The following PRKG1 variants were observed in gnomAD, a reference collection of about 807,000 sequenced individuals.
PRKG1 encodes protein kinase cGMP-dependent 1, also known as cGMP-dependent protein kinase 1.
In PRKG1, 35 loss-of-function variants were observed where a neutral mutation model predicts 88.1. The observed-to-expected ratio is 0.40, with a 90% CI of 0.30 to 0.53. PRKG1 has a LOEUF of 0.53. PRKG1 is among the 20% of genes least tolerant of loss of function. The pLI is 0.59. For missense variants in PRKG1, 540 were observed against 839.8 expected (o/e 0.64, Z 4.41); for synonymous variants, 303 against 292.5 (o/e 1.04, Z -0.37).
intron 2 of PRKG1, among the ~76,000 whole-genome samples, chr10:51,428,139 C>T (rs1371687399): frequency 6.6e-6 from 1 of 152,192 alleles, no homozygotes; most frequent in Non-Finnish European, 1.5e-5. Flanking sequence ...ACTGCTAGAA[C>T]TTCTATCGCA....
chr10:51,850,227 A>G (rs1166904721), intron 4 of PRKG1, among the ~76,000 whole-genome samples: 1 of 152,214 alleles, frequency 6.6e-6, no homozygotes, highest in Non-Finnish European at 1.5e-5. Context: ...CCCAGGTGGG[A>G]GTGCAATAGC....
chr10:51,480,089 G>T (rs74132505), intron 3 of PRKG1, among the ~76,000 whole-genome samples: 2,088 of 152,188 alleles, frequency 0.014, 42 homozygotes, highest in Admixed American at 0.042. Context: ...GTAGGCACTA[G>T]ATTTCTCTTC....
At chr10:51,448,588 A>G (rs909630088) in intron 2 of PRKG1, among the ~76,000 whole-genome samples, 1 of 152,080 alleles carries the variant, frequency 6.6e-6, no homozygotes, top group East Asian at 1.9e-4. Context: ...TATTTTTTCA[A>G]TAGCAAACAA....
Position 50,991,328 on chromosome 10 carries a change from C to CGCCGCCGCT in PRKG1, c.-43_-42insTGCCGCCGC, listed in dbSNP as rs1554828355. The CGCCGCCGCT allele has an allele frequency of 9.4e-6, 14 of 1,481,738 alleles. No homozygotes were observed. Among genetic ancestry groups the CGCCGCCGCT allele is most frequent in the African/African-American group, 3.0e-5 (2 of 67,414 alleles). The allele number at this position is 1,481,738 out of a possible 1,614,324, so 91.8% of individuals were successfully genotyped here. On this transcript the variant is annotated 5_prime_UTR_variant, in exon 1 of 18. Transcript: ENST00000401604. The surrounding 1 kb of genome is among the most constrained non-coding windows in gnomAD (Gnocchi z 4.5). ...CCGTCCCAGCCGCCGCCGCCGCCGC[C>CGCCGCCGCT]GCCGCCGCCGCCGCCCGAGAAAAAG...
At chr10:51,064,711 G>T (rs1843729276) in intron 1 of PRKG1, among the ~76,000 whole-genome samples, 1 of 151,784 alleles carries the variant, frequency 6.6e-6, no homozygotes, top group African/African-American at 2.4e-5. Context: ...TTTCTTTTTT[G>T]CATTAACAAA....
chr10:51,082,481 C>A (rs1340834818), intron 1 of PRKG1, among the ~76,000 whole-genome samples: 2 of 152,106 alleles, frequency 1.3e-5, no homozygotes, highest in African/African-American at 2.4e-5. Flanking sequence ...ATCAGAATGT[C>A]CGGGTGTTGG....
At chr10:51,530,387 G>A (rs1841989019) in intron 3 of PRKG1, among the ~76,000 whole-genome samples, 3 of 152,066 alleles carry the variant, frequency 2.0e-5, no homozygotes, top group Admixed American at 2.0e-4. Context: ...TTATTAAGCA[G>A]AGAGCAAATA....
At chr10:51,460,809 G>T (rs1162260289) in intron 2 of PRKG1, among the ~76,000 whole-genome samples, 5 of 152,104 alleles carry the variant, frequency 3.3e-5, no homozygotes, top group African/African-American at 1.2e-4. Context: ...CAGAATTGCT[G>T]CAATATAAGT....
At chr10:51,094,194 T>C (rs185815785) in intron 1 of PRKG1, among the ~76,000 whole-genome samples, 18 of 152,130 alleles carry the variant, frequency 1.2e-4, no homozygotes, top group African/African-American at 2.2e-4. Context: ...AAAACACTTA[T>C]GCAGTGTTTT....
intron 4 of PRKG1, among the ~76,000 whole-genome samples, chr10:51,858,869 T>TAG (rs1193702905): frequency 6.6e-6 from 1 of 152,112 alleles, no homozygotes; most frequent in African/African-American, 2.4e-5. Context: ...TCTAATGGAT[T>TAG]AGAGGGTCTT....
chr10:52,108,813 G>C (rs529161183), intron 7 of PRKG1, among the ~76,000 whole-genome samples: 15 of 147,694 alleles, frequency 1.0e-4, no homozygotes, highest in Non-Finnish European at 2.1e-4. Context: ...TAACCTGGGA[G>C]AACAAGTATT....
At chr10:51,797,551 TATA>T (rs1344860013) in intron 3 of PRKG1, among the ~76,000 whole-genome samples, 5 of 146,948 alleles carry the variant, frequency 3.4e-5, no homozygotes, top group South Asian at 2.1e-4. Context: ...TAATATTAAA[TATA>T]ATATTTTATT....
intron 4 of PRKG1, among the ~76,000 whole-genome samples, chr10:51,839,713 T>A (rs929070635): frequency 1.3e-5 from 2 of 152,126 alleles, no homozygotes; most frequent in African/African-American, 4.8e-5. Context: ...TTCTTTACCT[T>A]ATGGCAGAAG....
chr10:51,645,980 T>G (rs1839905646), intron 3 of PRKG1, among the ~76,000 whole-genome samples: 1 of 152,222 alleles, frequency 6.6e-6, no homozygotes, highest in South Asian at 2.1e-4. Context: ...ACATCAAGTA[T>G]TAAGCCTGAA....
At chr10:51,181,088 G>T (rs1176628372) in intron 2 of PRKG1, among the ~76,000 whole-genome samples, 1 of 151,900 alleles carries the variant, frequency 6.6e-6, no homozygotes, top group East Asian at 1.9e-4. Context: ...CATACAAACC[G>T]CACTGAGGAG....
At chr10:51,328,522 G>A (rs1017658832) in intron 2 of PRKG1, among the ~76,000 whole-genome samples, 1 of 152,116 alleles carries the variant, frequency 6.6e-6, no homozygotes, top group Non-Finnish European at 1.5e-5. Flanking sequence ...GTATATAAGT[G>A]TATATACATT....
At chr10:51,687,087 A>G (rs12254931) in intron 3 of PRKG1, among the ~76,000 whole-genome samples, 12,995 of 152,164 alleles carry the variant, frequency 0.085, 599 homozygotes, top group African/African-American at 0.1. Flanking sequence ...CTTGATTTGA[A>G]TTTAAATTGT....
intron 2 of PRKG1, among the ~76,000 whole-genome samples, chr10:51,429,497 G>T (rs1291887668): frequency 6.6e-6 from 1 of 152,052 alleles, no homozygotes; most frequent in Non-Finnish European, 1.5e-5. Context: ...GACTCTAAGG[G>T]TCCCACATGT....
intron 3 of PRKG1, among the ~76,000 whole-genome samples, chr10:51,636,858 C>CA (rs1204160629): frequency 6.6e-6 from 1 of 152,132 alleles, no homozygotes; most frequent in Non-Finnish European, 1.5e-5. Flanking sequence ...ACGAGGAGAA[C>CA]AGTGTGAGTT....
Sources: allele counts gnomAD v4.1 joint callset (sites outside exome capture counted in the v4.1 genomes callset), GRCh38; gene constraint gnomAD v4.1.1; non-coding constraint Gnocchi (gnomAD v3.1); transcripts MANE v1.5; gene names NCBI Gene and HGNC (gene_info 2026-07-23, HGNC 2026-07-21).